The following OTOGL variants were observed in gnomAD, a reference collection of about 807,000 sequenced individuals.
The protein encoded by OTOGL is otogelin-like protein.
A neutral mutation model predicts 318.5 loss-of-function variants in OTOGL; 285 were observed. The ratio of observed to expected loss-of-function variants is 0.89; its 90% CI spans 0.81 to 0.99. OTOGL has a LOEUF of 0.99. OTOGL is among the 50% of genes least tolerant of loss of function. The probability of loss-of-function intolerance (pLI) is 0.00; values close to 1 mark genes in which losing one functional copy is unlikely to be tolerated. For synonymous variants in OTOGL, 987 were observed against 936.5 expected, an observed-to-expected ratio of 1.05 and a Z score of -0.99; for missense variants, 2,899 against 2,845.6, an observed-to-expected ratio of 1.02 and a Z score of -0.43.
intron 7 of OTOGL, 103 bp downstream of exon 7, chr12:80,222,348 A>G (rs1878433494): frequency 8.7e-7 from 1 of 1,150,168 alleles, no homozygotes; most frequent in African/African-American, 1.6e-5. Context: ...CTAATAATAG[A>G]ATGAATACTT....
chr12:80,202,078 C>T (rs79427036), intron 1 of OTOGL, among the ~76,000 whole-genome samples: 1 of 152,076 alleles, frequency 6.6e-6, no homozygotes, highest in African/African-American at 2.4e-5. Flanking sequence ...CCCTGACTCC[C>T]ACCAATAGAG....
chr12:80,317,036 T>C (rs1050181074), intron 32 of OTOGL, among the ~76,000 whole-genome samples: 3 of 152,188 alleles, frequency 2.0e-5, no homozygotes, highest in Non-Finnish European at 4.4e-5. Flanking sequence ...TGAGATTATT[T>C]CAATAATCTT....
intron 1 of OTOGL, among the ~76,000 whole-genome samples, chr12:80,159,838 G>A (rs888312103): frequency 2.6e-5 from 4 of 152,030 alleles, no homozygotes; most frequent in African/African-American, 9.7e-5. Flanking sequence ...CACATTACCT[G>A]ACTTCAAACT....
intron 1 of OTOGL, among the ~76,000 whole-genome samples, chr12:80,149,297 G>C (rs1406867188): frequency 6.6e-6 from 1 of 151,364 alleles, no homozygotes; most frequent in Non-Finnish European, 1.5e-5. Flanking sequence ...CTGCAGGTCT[G>C]TTGGAGTACC....
intron 26 of OTOGL, among the ~76,000 whole-genome samples, chr12:80,282,081 T>C (rs1352788097): frequency 1.3e-5 from 2 of 151,892 alleles, no homozygotes; most frequent in East Asian, 3.9e-4. Context: ...TTGAATGCAT[T>C]TGAATTACCT....
chr12:80,180,004 G>A (rs1874806813), intron 1 of OTOGL, among the ~76,000 whole-genome samples: 1 of 152,224 alleles, frequency 6.6e-6, no homozygotes, highest in Admixed American at 6.5e-5. Flanking sequence ...GGTGGGATAT[G>A]CCAGAAGATG....
At chr12:80,260,340 G>C (rs1882424425) in intron 18 of OTOGL, among the ~76,000 whole-genome samples, 1 of 152,062 alleles carries the variant, frequency 6.6e-6, no homozygotes, top group South Asian at 2.1e-4. Flanking sequence ...ACATTAAGTG[G>C]CTTGGCTATG....
rs770438244 is a variant in OTOGL, at chr12:80,328,696, A to T, written c.4231A>T (p.Asn1411Tyr). Residue 1411 changes from asparagine to tyrosine, a missense_variant, in exon 36 of 59, where the codon AAT (asparagine) becomes TAT (tyrosine). By Grantham distance (143) the Asn-to-Tyr change is moderately radical. Around this residue, in one of 3 missense-constraint regions of OTOGL, gnomAD observed 2,607 missense variants for 2,524.9 expected, o/e 1.03. Coordinates refer to ENST00000547103, the MANE Select transcript of OTOGL (RefSeq NM_001378609.3). Reference sequence around the variant, plus strand: ...AGGATGCTTGCCCTACTGCCCTAAAAATATGATCCTTGATGAGGTCACCCT... The same window carrying T: ...AGGATGCTTGCCCTACTGCCCTAAATATATGATCCTTGATGAGGTCACCCT... The part of the protein sequence containing the change: ...VEGCLPYCPK[N>Y]MILDEVTLKC... The T allele has an allele frequency of 5.6e-6, 9 of 1,607,074 alleles. No individual in the cohort carries two copies. The East Asian group carries it at 1.8e-4, about 32-fold the overall frequency.
chr12:80,303,388 C>A (rs1229220269), intron 28 of OTOGL, among the ~76,000 whole-genome samples: 3 of 152,182 alleles, frequency 2.0e-5, no homozygotes, highest in Admixed American at 6.5e-5. Flanking sequence ...ATCTCCTGAC[C>A]TCATGATCCA....
At chr12:80,178,087 C>CAG (rs1333646190) in intron 1 of OTOGL, among the ~76,000 whole-genome samples, 1 of 100,402 alleles carries the variant, frequency 1.0e-5, no homozygotes. Flanking sequence ...TTTTTTGAGA[C>CAG]AGAGTCTCTG....
At chr12:80,357,854 T>C (rs943554887) in intron 49 of OTOGL, among the ~76,000 whole-genome samples, 30 of 152,252 alleles carry the variant, frequency 2.0e-4, no homozygotes, top group African/African-American at 7.0e-4. Context: ...TTATCAAAGG[T>C]GGGACGGCAT....
chr12:80,198,766 A>C (rs1876257967), intron 1 of OTOGL, among the ~76,000 whole-genome samples: 1 of 152,046 alleles, frequency 6.6e-6, no homozygotes, highest in Non-Finnish European at 1.5e-5. Flanking sequence ...ATCTTCTTTC[A>C]CCTCATGCCC....
chr12:80,296,945 A>C lies in OTOGL; in HGVS notation c.3047A>C (p.Asp1016Ala). Residue 1016 changes from aspartate to alanine, a missense_variant, in exon 27 of 59, where the codon GAT (aspartate) becomes GCT (alanine). Coordinates refer to ENST00000547103, the MANE Select transcript of OTOGL (RefSeq NM_001378609.3). Reference protein sequence around the residue: ...SVGDTEIYLNDTPYKQKQSGF... With the variant: ...SVGDTEIYLNATPYKQKQSGF... ...GGGGACACTGAAATTTACCTGAATG[A>C]TACTCCTTACAAACAGGTTAGTGAA... The C allele has an allele frequency of 1.9e-6, 3 of 1,551,930 alleles. No homozygotes were observed. Among genetic ancestry groups the C allele is most frequent in the Non-Finnish European group, 2.6e-6 (3 of 1,150,824 alleles).
intron 27 of OTOGL, among the ~76,000 whole-genome samples, chr12:80,298,334 A>G (rs897829264): frequency 2.0e-5 from 3 of 152,188 alleles, no homozygotes; most frequent in Non-Finnish European, 4.4e-5. Flanking sequence ...AGAGTCACTC[A>G]GTACTAACTC....
chr12:80,265,659 G>A (rs1392089862), intron 20 of OTOGL: 2 of 179,226 alleles, frequency 1.1e-5, no homozygotes, highest in East Asian at 2.9e-4. Flanking sequence ...TTCATTCATG[G>A]TAGATTGTTT....
chr12:80,234,160 C>T (rs1252777050), intron 9 of OTOGL, among the ~76,000 whole-genome samples: 2 of 152,114 alleles, frequency 1.3e-5, no homozygotes, highest in African/African-American at 2.4e-5. Flanking sequence ...CTCAAGTCAT[C>T]CTCTGGTCTC....
At chr12:80,222,067 A>G (rs1878394645) in intron 6 of OTOGL, 24 bp from the exon 7 acceptor site, 9 of 1,577,728 alleles carry the variant, frequency 5.7e-6, no homozygotes, top group Non-Finnish European at 7.7e-6. Flanking sequence ...TTTGCCTACA[A>G]AATATTATCC....
intron 24 of OTOGL, among the ~76,000 whole-genome samples, chr12:80,277,303 TA>T (rs1424023762): frequency 4.1e-5 from 6 of 147,082 alleles, no homozygotes; most frequent in African/African-American, 1.5e-4. Context: ...AAATCTTTAT[TA>T]AAACTTTTAG....
intron 32 of OTOGL, among the ~76,000 whole-genome samples, chr12:80,317,688 C>T (rs1299511494): frequency 6.6e-6 from 1 of 152,120 alleles, no homozygotes; most frequent in African/African-American, 2.4e-5. Flanking sequence ...TCACTTTCCT[C>T]TTGTCCATGC....
Sources: gnomAD v4.1 joint callset for allele counts (sites outside exome capture counted in the v4.1 genomes callset) on GRCh38, gnomAD v4.1.1 for gene constraint, gnomAD v4.1.1 regional missense constraint, MANE v1.5 for transcripts, NCBI Gene and HGNC (gene_info 2026-07-23, HGNC 2026-07-21) for gene names.